CFAP61: variants seen among roughly 807,000 people sequenced by gnomAD.
The protein encoded by CFAP61 is cilia- and flagella-associated protein 61.
A neutral mutation model predicts 135.6 loss-of-function variants in CFAP61; 107 were observed. That is an observed-to-expected ratio of 0.79 (90% CI 0.67 to 0.93). CFAP61 has a LOEUF of 0.93. Among genes scored for constraint, CFAP61 ranks in the 40% least tolerant of loss-of-function variants. CFAP61 has a pLI of 0.00. For missense variants in CFAP61, 1,507 were observed against 1,556.2 expected, an observed-to-expected ratio of 0.97 and a Z score of 0.53; for synonymous variants, 575 against 578.5, an observed-to-expected ratio of 0.99 and a Z score of 0.09.
intron 15 of CFAP61, among the ~76,000 whole-genome samples, chr20:20,192,582 G>T (rs969129964): frequency 6.6e-6 from 1 of 152,008 alleles, no homozygotes; most frequent in African/African-American, 2.4e-5. Flanking sequence ...TCTTAGAGTG[G>T]GAGTAGCTTG....
intron 12 of CFAP61, 59 bp downstream of exon 12, chr20:20,166,495 GT>G (rs1318056823): frequency 2.3e-6 from 3 of 1,329,562 alleles, no homozygotes; most frequent in Non-Finnish European, 3.2e-6. Context: ...TTATAGAAAA[GT>G]AAAATGCCAT....
chr20:20,187,507 C>CT (rs1285164031), intron 13 of CFAP61, among the ~76,000 whole-genome samples: 3 of 152,126 alleles, frequency 2.0e-5, no homozygotes, highest in Non-Finnish European at 4.4e-5. Context: ...GCAATAAACT[C>CT]TGAGTGTGAG....
intron 25 of CFAP61, among the ~76,000 whole-genome samples, chr20:20,338,010 G>A (rs1015468238): frequency 6.6e-6 from 1 of 152,170 alleles, no homozygotes; most frequent in African/African-American, 2.4e-5. Context: ...TGTCATTCAG[G>A]CCAAAGTAGA....
At chr20:20,163,964 C>A in intron 10 of CFAP61, 86 bp from the exon 11 acceptor site, 1 of 1,136,332 alleles carries the variant, frequency 8.8e-7, no homozygotes, top group Non-Finnish European at 1.3e-6. Context: ...AGAACGGTGT[C>A]ATGTAGAGAT....
intron 19 of CFAP61, among the ~76,000 whole-genome samples, chr20:20,247,128 C>T (rs1026065458): frequency 3.0e-4 from 46 of 152,322 alleles, no homozygotes; most frequent in East Asian, 1.7e-3. Flanking sequence ...TGATCACGAG[C>T]AGTACACGAG....
At chr20:20,317,406 C>T (rs190091031) in intron 25 of CFAP61, among the ~76,000 whole-genome samples, 149 of 152,292 alleles carry the variant, frequency 9.8e-4, no homozygotes, top group African/African-American at 3.4e-3. Flanking sequence ...TGGCACTGTG[C>T]GTGCTGCTCA....
chr20:20,348,662 C>G (rs999461850), intron 26 of CFAP61, among the ~76,000 whole-genome samples: 1 of 128,806 alleles, frequency 7.8e-6, no homozygotes, highest in African/African-American at 3.0e-5. Flanking sequence ...TGCACTACAG[C>G]CTGGGCAATA....
chr20:20,341,158 C>G (rs1046801212), intron 25 of CFAP61, among the ~76,000 whole-genome samples: 3 of 152,126 alleles, frequency 2.0e-5, no homozygotes, highest in Non-Finnish European at 2.9e-5. Flanking sequence ...AGTTAAGTTC[C>G]CTGTTCCAAG....
intron 26 of CFAP61, among the ~76,000 whole-genome samples, chr20:20,350,801 G>A (rs1569324807): frequency 4.6e-5 from 7 of 152,248 alleles, no homozygotes; most frequent in Admixed American, 3.3e-4. Context: ...CAATGGAATA[G>A]TATTCAGCCA....
At chr20:20,058,032 T>A (rs954259735) in intron 2 of CFAP61, among the ~76,000 whole-genome samples, 13 of 152,204 alleles carry the variant, frequency 8.5e-5, no homozygotes, top group Non-Finnish European at 5.9e-5. Context: ...TCGACCCTGT[T>A]CCGCATTATT....
intron 18 of CFAP61, among the ~76,000 whole-genome samples, chr20:20,237,085 A>G (rs376917263): frequency 9.2e-5 from 14 of 152,336 alleles, no homozygotes; most frequent in African/African-American, 3.1e-4. Flanking sequence ...CATTTCAAGA[A>G]TGGCATGCAT....
chr20:20,153,687 A>G (rs781508991), intron 9 of CFAP61, among the ~76,000 whole-genome samples: 18 of 152,128 alleles, frequency 1.2e-4, no homozygotes, highest in Non-Finnish European at 2.1e-4. Flanking sequence ...TGAACAGACC[A>G]ATAACAGGTA....
chr20:20,232,464 T>G (rs916526406), intron 18 of CFAP61, among the ~76,000 whole-genome samples: 1 of 152,044 alleles, frequency 6.6e-6, no homozygotes, highest in Admixed American at 6.5e-5. Flanking sequence ...ATCCTTTCAC[T>G]CCTGGTGTGG....
intron 18 of CFAP61, among the ~76,000 whole-genome samples, chr20:20,241,174 C>T (rs938955265): frequency 3.3e-5 from 5 of 152,074 alleles, no homozygotes; most frequent in African/African-American, 4.8e-5. Context: ...AATGGAAGAA[C>T]GCTCTAGACA....
chr20:20,270,588 A>G (rs2053260062), intron 21 of CFAP61, among the ~76,000 whole-genome samples: 1 of 151,816 alleles, frequency 6.6e-6, no homozygotes, highest in East Asian at 1.9e-4. Flanking sequence ...AAACTCTTAC[A>G]TACTGCCTTT....
intron 8 of CFAP61, among the ~76,000 whole-genome samples, chr20:20,103,663 G>GA (rs748975189): frequency 1.6e-4 from 24 of 152,168 alleles, no homozygotes; most frequent in Admixed American, 1.3e-4. Flanking sequence ...GGCACTTTAT[G>GA]AATATTTTCC....
At chr20:20,146,108 G>A (rs940132616) in intron 9 of CFAP61, among the ~76,000 whole-genome samples, 7 of 152,328 alleles carry the variant, frequency 4.6e-5, no homozygotes, top group African/African-American at 1.7e-4. Context: ...CCTGGTGGCT[G>A]AGGGAAGTGC....
At chr20:20,325,190 T>G (rs541834437) in intron 25 of CFAP61, among the ~76,000 whole-genome samples, 1 of 152,352 alleles carries the variant, frequency 6.6e-6, no homozygotes, top group South Asian at 2.1e-4. Context: ...ACATCTTTAG[T>G]GTGGTCTATT....
intron 6 of CFAP61, among the ~76,000 whole-genome samples, chr20:20,078,306 G>A (rs1451899053): frequency 1.2e-4 from 18 of 152,184 alleles, no homozygotes; most frequent in Admixed American, 1.2e-3. Flanking sequence ...GTTTGGGGGA[G>A]CTTAGAATTT....
Sources: allele counts gnomAD v4.1 joint callset (sites outside exome capture counted in the v4.1 genomes callset), GRCh38; gene constraint gnomAD v4.1.1; transcripts MANE v1.5; gene names NCBI Gene and HGNC (gene_info 2026-07-23, HGNC 2026-07-21).